FBXO25: variants seen among roughly 807,000 people sequenced by gnomAD.
FBXO25 encodes F-box protein 25.
In FBXO25, 45 loss-of-function variants were observed where a neutral mutation model predicts 51.9. The observed-to-expected ratio is 0.87, with a 90% CI of 0.68 to 1.11. The LOEUF is 1.11. Ranked by LOEUF, FBXO25 falls within the 50% of genes most tolerant of loss-of-function variation. FBXO25 has a pLI of 0.00. For missense variants in FBXO25, 507 were observed against 428.5 expected, an observed-to-expected ratio of 1.18 and a Z score of -1.62; for synonymous variants, 199 against 151.0, an observed-to-expected ratio of 1.32 and a Z score of -2.33.
At chr8:413,912 C>G (rs1037047825) in intron 2 of FBXO25, among the ~76,000 whole-genome samples, 1 of 152,134 alleles carries the variant, frequency 6.6e-6, no homozygotes, top group Non-Finnish European at 1.5e-5. Flanking sequence ...GGGTAGGTGG[C>G]TATTGTATGA....
At chr8:426,830 C>T (rs1450532275) in intron 2 of FBXO25, among the ~76,000 whole-genome samples, 22 of 152,132 alleles carry the variant, frequency 1.4e-4, no homozygotes, top group African/African-American at 2.6e-4. Context: ...GTGCTCTTGT[C>T]GCCCTCTGCT....
chr8:407,724 C>G lies in FBXO25; in HGVS notation c.-8+658C>G, dbSNP rs904865235. Among the ~76,000 whole-genome samples the G allele has an allele frequency of 5.9e-4, 90 of 151,960 alleles. 1 individual carries two copies. Among genetic ancestry groups the G allele is most frequent in the African/African-American group, 5.1e-4 (21 of 41,238 alleles). On this transcript the variant is annotated intron_variant, in intron 1 of 9. Transcript: ENST00000350302. The stretch of plus-strand genomic sequence containing the variant: ...CTCATTCCTCCAGGCCACTCTGCCC[C>G]GTCTGCTGCTTACCTTTTTTTCCCT...
intron 8 of FBXO25, among the ~76,000 whole-genome samples, chr8:462,095 C>A (rs183900102): frequency 6.8e-4 from 104 of 152,292 alleles, no homozygotes; most frequent in African/African-American, 2.0e-3. Flanking sequence ...AGTGGCTGCA[C>A]CATTTCACAT....
chr8:449,979 TTTCC>T lies in FBXO25; in HGVS notation c.382-8_382-5del. On this transcript the variant is annotated splice_polypyrimidine_tract_variant and splice_region_variant and intron_variant, in intron 5 of 9. Transcript: ENST00000350302. ...ATATATCGCTCAGCTTTTTTCCGTC[TTTCC>T]TTTAAGCTGTTGCAGCTAATTGCAA... 1 of 1,597,008 alleles carries T rather than the reference TTTCC, an allele frequency of 6.3e-7. No individual in the cohort carries two copies.
chr8:446,202 G>T (rs1030412538), intron 5 of FBXO25, among the ~76,000 whole-genome samples: 4 of 152,062 alleles, frequency 2.6e-5, no homozygotes, highest in East Asian at 1.9e-4. Flanking sequence ...TAGACCTCGG[G>T]CTCCCCTAAC....
At chr8:436,258 G>T (rs1798096547) in intron 5 of FBXO25, among the ~76,000 whole-genome samples, 1 of 152,044 alleles carries the variant, frequency 6.6e-6, no homozygotes, top group Non-Finnish European at 1.5e-5. Flanking sequence ...TCCATTTATT[G>T]TTTGCTTTTG....
At chr8:463,318 C>T (rs1302013928) in intron 9 of FBXO25, among the ~76,000 whole-genome samples, 168 bp downstream of exon 9, 1 of 152,212 alleles carries the variant, frequency 6.6e-6, no homozygotes, top group Admixed American at 6.5e-5. Flanking sequence ...GATGTTCATT[C>T]AATGTGTAGC....
At chr8:463,236 A>T in intron 9 of FBXO25, 86 bp downstream of exon 9, 1 of 1,435,968 alleles carries the variant, frequency 7.0e-7, no homozygotes, top group Admixed American at 2.1e-5. Flanking sequence ...ATAAGACTAA[A>T]AAGCGGAAAA....
intron 5 of FBXO25, among the ~76,000 whole-genome samples, chr8:437,750 T>G (rs925596882): frequency 5.9e-5 from 9 of 151,956 alleles, no homozygotes; most frequent in African/African-American, 2.2e-4. Context: ...TTTTTTTTTT[T>G]TTTTTACTTT....
chr8:410,672 G>A (rs1240618143), intron 1 of FBXO25, among the ~76,000 whole-genome samples: 1 of 152,170 alleles, frequency 6.6e-6, no homozygotes, highest in Non-Finnish European at 1.5e-5. Context: ...TAGGTCGACT[G>A]AACATGGGCA....
intron 2 of FBXO25, among the ~76,000 whole-genome samples, chr8:418,153 G>T (rs1796921914): frequency 6.6e-6 from 1 of 152,058 alleles, no homozygotes; most frequent in Admixed American, 6.5e-5. Context: ...CTGCATGTGT[G>T]TCTTCATGTA....
At chr8:410,160 T>C (rs985607832) in intron 1 of FBXO25, among the ~76,000 whole-genome samples, 1 of 152,192 alleles carries the variant, frequency 6.6e-6, no homozygotes, top group African/African-American at 2.4e-5. Context: ...TATTCTCTCT[T>C]TACCACAAGT....
At chr8:447,975 G>A (rs1798843962) in intron 5 of FBXO25, among the ~76,000 whole-genome samples, 1 of 152,122 alleles carries the variant, frequency 6.6e-6, no homozygotes. Context: ...GGTGGGATTG[G>A]AAGGGCCCAG....
At chr8:458,657 C>T in intron 8 of FBXO25, 106 bp downstream of exon 8, 1 of 1,093,460 alleles carries the variant, frequency 9.1e-7, no homozygotes, top group Non-Finnish European at 1.3e-6. Context: ...TGAGTATTTT[C>T]TACTTTTAAA....
intron 5 of FBXO25, 85 bp downstream of exon 5, chr8:435,792 G>T (rs1798070070): frequency 1.3e-6 from 2 of 1,523,892 alleles, no homozygotes; most frequent in Non-Finnish European, 1.8e-6. Flanking sequence ...CGTTGAAGAT[G>T]CTTTTGGCAG....
chr8:460,679 G>A (rs752378933), intron 8 of FBXO25, among the ~76,000 whole-genome samples: 4 of 152,228 alleles, frequency 2.6e-5, no homozygotes, highest in East Asian at 1.9e-4. Flanking sequence ...GGATTCTCCC[G>A]TGAACACTGG....
chr8:468,466 G>A lies in FBXO25; in HGVS notation c.988-249G>A, dbSNP rs144067208. On this transcript the variant is annotated intron_variant, in intron 9 of 9. Transcript: ENST00000350302. ...GCTCCTCTGACTCAGTACCAGATTC[G>A]GCACTGGAGGGCAGACCTGGGGCCA... Among the ~76,000 whole-genome samples the A allele has an allele frequency of 1.4e-4, 22 of 152,174 alleles. No individual in the cohort carries two copies. The East Asian group carries it at 3.1e-3, about 21-fold the overall frequency.
At chr8:454,643 G>A (rs772158585) in intron 7 of FBXO25, among the ~76,000 whole-genome samples, 1 of 152,180 alleles carries the variant, frequency 6.6e-6, no homozygotes, top group African/African-American at 2.4e-5. Flanking sequence ...AGTAGTCCCA[G>A]CACTTTGGGA....
At chr8:437,006 G>T (rs186458718) in intron 5 of FBXO25, among the ~76,000 whole-genome samples, 1 of 152,058 alleles carries the variant, frequency 6.6e-6, no homozygotes, top group Non-Finnish European at 1.5e-5. Context: ...GTCAGAGGGG[G>T]CATCCATAGA....
Sources: allele counts gnomAD v4.1 joint callset (sites outside exome capture counted in the v4.1 genomes callset), GRCh38; gene constraint gnomAD v4.1.1; transcripts MANE v1.5; gene names NCBI Gene and HGNC (gene_info 2026-07-23, HGNC 2026-07-21).